The following ASH1L variants were observed in gnomAD, a reference collection of about 807,000 sequenced individuals.
ASH1L encodes histone-lysine N-methyltransferase ASH1L.
A neutral mutation model predicts 269.0 loss-of-function variants in ASH1L; 23 were observed. The observed-to-expected ratio is 0.09, with a 90% CI of 0.06 to 0.12. ASH1L has a LOEUF of 0.12. Ranked by LOEUF, ASH1L falls within the 10% of genes least tolerant of loss-of-function variation. ASH1L has a pLI of 1.00. For missense variants in ASH1L, 2,912 were observed against 3,567.8 expected (o/e 0.82, Z 4.68); for synonymous variants, 1,187 against 1,253.5 (o/e 0.95, Z 1.12).
chr1:155,436,259 G>C (rs891084689), intron 5 of ASH1L, among the ~76,000 whole-genome samples: 2 of 151,724 alleles, frequency 1.3e-5, no homozygotes, highest in Non-Finnish European at 2.9e-5. Flanking sequence ...GTGCAATCTC[G>C]GCTCACTGCA....
In ASH1L at chr1:155,445,600, G is replaced by A. The variant is rs1662947789; in HGVS notation, c.5087-6532C>T. 3.3e-5 allele frequency among the ~76,000 whole-genome samples: 5 copies of A among 152,236 alleles called. No homozygotes were observed. The South Asian group carries it at 8.3e-4, about 25-fold the overall frequency. ...CTGCAGTGGCCTCCGAAAGTGCTGCGATTATGTGTGAGCCACCACGGCTGG... is the reference window on the plus strand; with the variant it reads ...CTGCAGTGGCCTCCGAAAGTGCTGCAATTATGTGTGAGCCACCACGGCTGG... On this transcript the variant is annotated intron_variant, in intron 4 of 27. Coordinates refer to ENST00000392403, the MANE Select transcript of ASH1L (RefSeq NM_018489.3).
At chr1:155,494,883 G>C (rs910174311) in intron 2 of ASH1L, among the ~76,000 whole-genome samples, 2 of 151,960 alleles carry the variant, frequency 1.3e-5, no homozygotes, top group Non-Finnish European at 2.9e-5. Context: ...CCAAGGTATT[G>C]TAACATTAAA....
intron 3 of ASH1L, among the ~76,000 whole-genome samples, chr1:155,465,289 C>CAAAAAAAAAAAAAAAAAAAAAAAAAA (rs1171228344): frequency 1.6e-5 from 1 of 62,576 alleles, no homozygotes; most frequent in Non-Finnish European, 3.1e-5. Context: ...TACAAATTAG[C>CAAAAAAAAAAAAAAAAAAAAAAAAAA]AAAAAAAAAA....
At chr1:155,402,549 CT>C (rs1558067241) in intron 6 of ASH1L, among the ~76,000 whole-genome samples, 1 of 152,022 alleles carries the variant, frequency 6.6e-6, no homozygotes, top group African/African-American at 2.4e-5. Flanking sequence ...CCATGTTTTA[CT>C]GCTTTGTTTT....
At chr1:155,450,561 T>C (rs987916399) in intron 4 of ASH1L, among the ~76,000 whole-genome samples, 14 of 152,220 alleles carry the variant, frequency 9.2e-5, no homozygotes, top group Non-Finnish European at 1.9e-4. Flanking sequence ...TAAAAAATGT[T>C]GAAGTTGAAA....
chr1:155,532,968 G>GAA (rs890165152), intron 1 of ASH1L, among the ~76,000 whole-genome samples: 2 of 133,338 alleles, frequency 1.5e-5, no homozygotes, highest in African/African-American at 7.2e-5. Context: ...TATGGGGGGA[G>GAA]AGAGAGAGAG....
intron 2 of ASH1L, among the ~76,000 whole-genome samples, chr1:155,493,213 C>T (rs764017008): frequency 3.9e-5 from 6 of 152,128 alleles, no homozygotes; most frequent in African/African-American, 1.2e-4. Context: ...ACCTTTTCAT[C>T]GGACTGTTTT....
chr1:155,467,920 G>A (rs35777901), intron 3 of ASH1L, among the ~76,000 whole-genome samples: 1,540 of 152,140 alleles, frequency 0.01, 22 homozygotes, highest in Non-Finnish European at 0.013. Context: ...GAGAATACTC[G>A]TATGTCCTTT....
In ASH1L at chr1:155,480,175, A is replaced by T; in HGVS notation, c.2695T>A (p.Ser899Thr). ...ACAGGTGGCTTCATCTTGACTGGTG[A>T]CCTCATTTGCCTCTTAGGCCTGCCT... ...KRGRPKRQMR[S>T]PVKMKPPVLS... Residue 899 changes from serine (S) to threonine (T), a missense_variant, in exon 3 of 28, where the codon TCA (serine) becomes ACA (threonine). Ser to Thr is a moderately conservative substitution (Grantham distance 58). Coordinates refer to ENST00000392403, the MANE Select transcript of ASH1L (RefSeq NM_018489.3). The T allele has an allele frequency of 6.2e-7, 1 of 1,613,808 alleles. No homozygotes were observed. The highest frequency in any genetic ancestry group is 8.5e-7 in the Non-Finnish European group (1 of 1,179,924).
At position 155,354,623 on chromosome 1, in the gene ASH1L, C is replaced by T. The variant is rs1654207790; in HGVS notation, c.7063G>A (p.Val2355Met). ...ACCAAGAATACATGATGCTTTAACA[C>T]AAAGTTCCTGCAAGGAAGGAAAAAA... is the stretch of plus-strand genomic sequence containing the variant. The part of the protein sequence containing the change: ...KPMSNRERNF[V>M]LKHHVFLVRN... The change falls in exon 16 of 28, where the codon GTG (valine) becomes ATG (methionine). Residue 2355 changes from valine (V) to methionine (M), a missense_variant. This residue lies in a region of ASH1L where 309 missense variants were observed against 435.1 expected (regional missense o/e 0.71). Coordinates refer to ENST00000392403, the MANE Select transcript of ASH1L (RefSeq NM_018489.3). 1 of 1,607,940 alleles carries T rather than the reference C, an allele frequency of 6.2e-7. No homozygotes were observed. The highest frequency in any genetic ancestry group is 8.5e-7 in the Non-Finnish European group (1 of 1,178,640).
At chr1:155,433,369 C>G (rs751094193) in intron 5 of ASH1L, 1 of 1,595,500 alleles carries the variant, frequency 6.3e-7, no homozygotes, top group South Asian at 1.1e-5. Flanking sequence ...TTCCCCCATG[C>G]CCCCCGCTGT....
At chr1:155,385,308 T>C (rs1354311429) in intron 7 of ASH1L, among the ~76,000 whole-genome samples, 4 of 152,048 alleles carry the variant, frequency 2.6e-5, no homozygotes, top group Non-Finnish European at 4.4e-5. Context: ...CCAGGTATGG[T>C]GGCACATGCC....
At chr1:155,477,850 T>G (rs967047237) in intron 3 of ASH1L, 36 bp downstream of exon 3, 3 of 1,525,454 alleles carry the variant, frequency 2.0e-6, no homozygotes, top group East Asian at 2.3e-5. Flanking sequence ...AACCTATTTC[T>G]TTAACAAATA....
intron 1 of ASH1L, among the ~76,000 whole-genome samples, chr1:155,538,044 A>T (rs1188097570): frequency 6.6e-6 from 1 of 151,352 alleles, no homozygotes; most frequent in African/African-American, 2.4e-5. Flanking sequence ...TTATTTTTGG[A>T]GATGGAGTCT....
chr1:155,358,460 C>A (rs767841889), intron 13 of ASH1L, among the ~76,000 whole-genome samples: 1 of 151,600 alleles, frequency 6.6e-6, no homozygotes, highest in East Asian at 2.0e-4. Context: ...CCAAGGCGGG[C>A]GGATCACAAG....
At chr1:155,449,343 T>G (rs1663288199) in intron 4 of ASH1L, among the ~76,000 whole-genome samples, 1 of 152,234 alleles carries the variant, frequency 6.6e-6, no homozygotes, top group Non-Finnish European at 1.5e-5. Flanking sequence ...TTTCCACATA[T>G]TTAGAGAATT....
chr1:155,343,351 C>A lies in ASH1L; in HGVS notation c.8256G>T (p.Gly2752=). 1.2e-6 allele frequency: 2 copies of A among 1,614,124 alleles called. No homozygotes were observed. Among genetic ancestry groups the A allele is most frequent in the South Asian group, 2.2e-5 (2 of 91,072 alleles). ...YEIIPLEAVV[G]TCCVLDLYTY... is the part of the protein sequence containing the mutation. ...TATAAAGGTCCAACACACAGCAGGTCCCCACTACAGCCTCCAAGGGAATGA... is the reference window on the plus strand; with the variant it reads ...TATAAAGGTCCAACACACAGCAGGTACCCACTACAGCCTCCAAGGGAATGA... Residue 2752 remains glycine, a synonymous_variant, in exon 24 of 28, where the codon GGG becomes GGT. Transcript: ENST00000392403. This position sits in a 1 kb window ranked among gnomAD's most constrained non-coding sequence, Gnocchi z 6.1.
chr1:155,437,072 T>C (rs1460115852), intron 5 of ASH1L, among the ~76,000 whole-genome samples: 1 of 152,220 alleles, frequency 6.6e-6, no homozygotes, highest in East Asian at 1.9e-4. Context: ...CATACGGTTT[T>C]GATTACCATA....
At chr1:155,516,833 T>C (rs111678360) in intron 2 of ASH1L, among the ~76,000 whole-genome samples, 10 of 152,124 alleles carry the variant, frequency 6.6e-5, no homozygotes, top group African/African-American at 2.4e-4. Context: ...ATCTGAAAAG[T>C]AAATTTAAAA....
Sources: allele counts gnomAD v4.1 joint callset (sites outside exome capture counted in the v4.1 genomes callset), GRCh38; gene constraint gnomAD v4.1.1; regional missense constraint gnomAD v4.1.1; non-coding constraint Gnocchi (gnomAD v3.1); transcripts MANE v1.5; gene names NCBI Gene and HGNC (gene_info 2026-07-23, HGNC 2026-07-21).